Variants in RAP1GDS1 observed in about 807,000 individuals in gnomAD.
RAP1GDS1 encodes the protein Rap1 GTPase-GDP dissociation stimulator 1.
A neutral mutation model predicts 71.1 loss-of-function variants in RAP1GDS1; 35 were observed. That is an observed-to-expected ratio of 0.49 (90% CI 0.38 to 0.65). The LOEUF is 0.65. RAP1GDS1 is among the 30% of genes least tolerant of loss of function. The pLI is 0.00. For synonymous variants in RAP1GDS1, 229 were observed against 243.1 expected (o/e 0.94, Z 0.54); for missense variants, 663 against 706.1 (o/e 0.94, Z 0.69).
intron 2 of RAP1GDS1, among the ~76,000 whole-genome samples, chr4:98,337,210 C>G (rs571626819): frequency 6.6e-6 from 1 of 152,062 alleles, no homozygotes; most frequent in Non-Finnish European, 1.5e-5. Context: ...TCTGTTTCAG[C>G]CTGCTTCATT....
intron 7 of RAP1GDS1, among the ~76,000 whole-genome samples, chr4:98,406,524 G>A (rs561227817): frequency 6.6e-6 from 1 of 152,026 alleles, no homozygotes; most frequent in East Asian, 1.9e-4. Context: ...AACATACGGA[G>A]CAAAAACATT....
At chr4:98,390,603 A>ACTT (rs1394794482) in intron 5 of RAP1GDS1, among the ~76,000 whole-genome samples, 2 of 152,078 alleles carry the variant, frequency 1.3e-5, no homozygotes, top group African/African-American at 4.8e-5. Flanking sequence ...ATCTCCTCAT[A>ACTT]CTTCACTCTA....
At chr4:98,419,976 G>A (rs1256441972) in intron 10 of RAP1GDS1, 43 bp from the exon 11 acceptor site, 1 of 1,507,898 alleles carries the variant, frequency 6.6e-7, no homozygotes. Flanking sequence ...TTATCAACAG[G>A]AATGCTAATA....
intron 1 of RAP1GDS1, among the ~76,000 whole-genome samples, chr4:98,281,725 G>A (rs1273084721): frequency 3.9e-5 from 6 of 152,192 alleles, no homozygotes; most frequent in Non-Finnish European, 1.5e-5. Flanking sequence ...TGCCCATTCA[G>A]TATGATATTG....
intron 12 of RAP1GDS1, 82 bp from the exon 13 acceptor site, chr4:98,433,854 C>CA: frequency 7.2e-7 from 1 of 1,381,600 alleles, no homozygotes; most frequent in Non-Finnish European, 1.0e-6. Context: ...CAAAACCACT[C>CA]AACAATGAGT....
At chr4:98,439,870 A>C (rs1751665333) in intron 14 of RAP1GDS1, among the ~76,000 whole-genome samples, 1 of 152,236 alleles carries the variant, frequency 6.6e-6, no homozygotes, top group Non-Finnish European at 1.5e-5. Flanking sequence ...AACCATTTTT[A>C]AGTATACAGT....
In RAP1GDS1 at chr4:98,295,154, A is replaced by G. The variant is rs1727547604; in HGVS notation, c.112+1639A>G. 2.0e-5 allele frequency among the ~76,000 whole-genome samples: 3 copies of G among 152,222 alleles called. No individual in the cohort carries two copies. The South Asian group carries it at 6.2e-4, about 32-fold the overall frequency. Reference sequence around the variant, plus strand: ...TTTTAAAAGAACAGATTTAAGAAACACTGAGAAGTTCATAATTATTAGATT... The same window carrying G: ...TTTTAAAAGAACAGATTTAAGAAACGCTGAGAAGTTCATAATTATTAGATT... On this transcript the variant is annotated intron_variant, in intron 2 of 14. Coordinates refer to ENST00000408927, the MANE Select transcript of RAP1GDS1 (RefSeq NM_001100427.2).
chr4:98,262,308 C>T (rs1166817372), intron 1 of RAP1GDS1, among the ~76,000 whole-genome samples: 1 of 152,148 alleles, frequency 6.6e-6, no homozygotes, highest in Non-Finnish European at 1.5e-5. Context: ...ACGTTGTTAC[C>T]GAACTTACAT....
At chr4:98,383,691 C>T (rs1578674245) in intron 5 of RAP1GDS1, among the ~76,000 whole-genome samples, 1 of 151,442 alleles carries the variant, frequency 6.6e-6, no homozygotes, top group South Asian at 2.1e-4. Context: ...TTTAAATTCA[C>T]TTGTTTAAAA....
chr4:98,314,604 G>GT (rs2110327750), intron 2 of RAP1GDS1, among the ~76,000 whole-genome samples: 1 of 152,194 alleles, frequency 6.6e-6, no homozygotes, highest in South Asian at 2.1e-4. Context: ...TTATAACTCT[G>GT]TAAGAGGAGG....
chr4:98,325,776 G>T (rs1395121316), intron 2 of RAP1GDS1, among the ~76,000 whole-genome samples: 4 of 114,124 alleles, frequency 3.5e-5, no homozygotes, highest in Non-Finnish European at 6.9e-5. Context: ...CTGTGGTGGG[G>T]TGGGGGGAGG....
rs547639927 is a variant in RAP1GDS1 at position 98,307,636 on chromosome 4, C to T, written c.112+14121C>T. 6.2e-4 allele frequency among the ~76,000 whole-genome samples: 94 copies of T among 152,014 alleles called. 1 individual carries two copies. Among genetic ancestry groups the T allele is most frequent in the African/African-American group, 2.1e-3 (86 of 41,508 alleles). On this transcript the variant is annotated intron_variant, in intron 2 of 14. Coordinates refer to ENST00000408927, the MANE Select transcript of RAP1GDS1 (RefSeq NM_001100427.2). ...TTTGTATTTTGCATTTTTGTTGTTGCGTATGGATTTTTTCTGTATAACTTC... is the reference window on the plus strand; with the variant it reads ...TTTGTATTTTGCATTTTTGTTGTTGTGTATGGATTTTTTCTGTATAACTTC...
chr4:98,262,501 T>C (rs1157277107), intron 1 of RAP1GDS1, among the ~76,000 whole-genome samples: 1 of 152,234 alleles, frequency 6.6e-6, no homozygotes, highest in Non-Finnish European at 1.5e-5. Flanking sequence ...AACTGTTACA[T>C]TCAGTAATCA....
chr4:98,425,225 C>T (rs1219270912), intron 12 of RAP1GDS1, among the ~76,000 whole-genome samples: 1 of 152,110 alleles, frequency 6.6e-6, no homozygotes, highest in Non-Finnish European at 1.5e-5. Flanking sequence ...ACTACAAGAG[C>T]TGCCAAAAGG....
At chr4:98,437,618 C>T (rs922109088) in intron 14 of RAP1GDS1, among the ~76,000 whole-genome samples, 1 of 151,842 alleles carries the variant, frequency 6.6e-6, no homozygotes, top group Non-Finnish European at 1.5e-5. Context: ...CATGGTGAAA[C>T]CCTGTCTCTA....
chr4:98,433,882 T>C (rs1750797532), intron 12 of RAP1GDS1, 54 bp from the exon 13 acceptor site: 2 of 1,510,556 alleles, frequency 1.3e-6, no homozygotes, highest in Non-Finnish European at 9.1e-7. Context: ...TTTTAATGCA[T>C]GTTCCTTATG....
intron 12 of RAP1GDS1, among the ~76,000 whole-genome samples, chr4:98,424,397 G>A (rs1749314208): frequency 6.6e-6 from 1 of 152,076 alleles, no homozygotes; most frequent in Admixed American, 6.5e-5. Context: ...TAGCTGATGA[G>A]CTTAAAAAAA....
chr4:98,303,498 G>T (rs1031681608), intron 2 of RAP1GDS1, among the ~76,000 whole-genome samples: 1 of 151,230 alleles, frequency 6.6e-6, no homozygotes, highest in African/African-American at 2.4e-5. Flanking sequence ...CTTTGTTTCT[G>T]CTGAAGCTTT....
intron 13 of RAP1GDS1, among the ~76,000 whole-genome samples, chr4:98,435,905 A>G (rs1372632067): frequency 6.6e-6 from 1 of 151,690 alleles, no homozygotes; most frequent in African/African-American, 2.4e-5. Flanking sequence ...CCCCGTCTCT[A>G]CTAAAAATAC....
Sources: gnomAD v4.1 joint callset for allele counts (sites outside exome capture counted in the v4.1 genomes callset) on GRCh38, gnomAD v4.1.1 for gene constraint, MANE v1.5 for transcripts, NCBI Gene and HGNC (gene_info 2026-07-23, HGNC 2026-07-21) for gene names.